Variants in IGDCC3 observed in about 807,000 individuals in gnomAD.
IGDCC3 encodes the protein putative neuronal cell adhesion molecule.
IGDCC3 carries 47 observed loss-of-function variants against 72.0 expected under a neutral mutation model. The ratio of observed to expected loss-of-function variants is 0.65; its 90% confidence interval spans 0.52 to 0.83. The LOEUF (loss-of-function observed/expected upper bound fraction) is 0.83. Among genes scored for constraint, IGDCC3 ranks in the 40% least tolerant of loss-of-function variants. IGDCC3 has a pLI of 0.00. For synonymous variants in IGDCC3, 477 were observed against 472.8 expected (o/e 1.01, Z -0.11); for missense variants, 1,038 against 1,091.3 (o/e 0.95, Z 0.69).
At chr15:65,330,914 C>A in intron 9 of IGDCC3, 136 bp downstream of exon 9, 2 of 1,153,010 alleles carry the variant, frequency 1.7e-6, no homozygotes, top group Non-Finnish European at 2.4e-6. Context: ...GCCCTTTCCT[C>A]CAAGTAGACT....
chr15:65,375,512 T>A, intron 1 of IGDCC3, 110 bp from the exon 2 acceptor site: 1 of 776,348 alleles, frequency 1.3e-6, no homozygotes. Flanking sequence ...ATGCACCCCA[T>A]CCCCATGTTT....
intron 3 of IGDCC3, 35 bp from the exon 4 acceptor site, chr15:65,335,456 C>T (rs1171213123): frequency 6.3e-7 from 1 of 1,581,636 alleles, no homozygotes; most frequent in African/African-American, 1.3e-5. Context: ...GCCACCAGCA[C>T]AGCCATTGAC....
At chr15:65,343,570 C>G (rs1295771972) in intron 2 of IGDCC3, among the ~76,000 whole-genome samples, 1 of 152,146 alleles carries the variant, frequency 6.6e-6, no homozygotes, top group Non-Finnish European at 1.5e-5. Context: ...GTTTATGAAG[C>G]CTATAAACCC....
chr15:65,334,703 C>T, intron 5 of IGDCC3, 25 bp downstream of exon 5: 5 of 1,528,602 alleles, frequency 3.3e-6, no homozygotes, highest in Non-Finnish European at 4.4e-6. Flanking sequence ...CTGGGAGGGG[C>T]AGGGGCTGTG....
At chr15:65,343,422 G>T (rs1476961298) in intron 2 of IGDCC3, among the ~76,000 whole-genome samples, 1 of 151,540 alleles carries the variant, frequency 6.6e-6, no homozygotes, top group Non-Finnish European at 1.5e-5. Flanking sequence ...GACATGTGTT[G>T]CGGGGGCGAG....
intron 2 of IGDCC3, among the ~76,000 whole-genome samples, chr15:65,353,310 G>A (rs1001618929): frequency 9.3e-5 from 14 of 150,622 alleles, no homozygotes; most frequent in African/African-American, 3.4e-4. Flanking sequence ...GAGTGCAGTG[G>A]CACAATCTTA....
rs1415051023 is a variant in IGDCC3, at chr15:65,330,327, G to A, written c.1824C>T (p.Arg608=). The change falls in exon 11 of 14, where the codon CGC becomes CGT. Residue 608 remains arginine (R), a synonymous_variant. Transcript: ENST00000327987. ...CAGATGCTCCCCTCAAAGACACAAAGCGGACTGTGGCATTGCCATCTCCAT... is the reference window on the plus strand; with the variant it reads ...CAGATGCTCCCCTCAAAGACACAAAACGGACTGTGGCATTGCCATCTCCAT... ...NQHGDGNATV[R]FVSLRGASER... is the part of the protein sequence containing the mutation. 1 of 1,614,026 alleles carries A rather than the reference G, an allele frequency of 6.2e-7. No individual in the cohort carries two copies. The highest frequency in any genetic ancestry group is 8.5e-7 in the Non-Finnish European group (1 of 1,179,956).
At position 65,350,460 on chromosome 15, in the gene IGDCC3, C is replaced by CT. The variant is rs59350659; in HGVS notation, c.410-14505dup. On this transcript the variant is annotated intron_variant, in intron 2 of 13. Coordinates refer to ENST00000327987, the MANE Select transcript of IGDCC3 (RefSeq NM_004884.4). ...CCACCACGTCCAGCCTGAGACTTAG[C>CT]TTTTTTTTTTTTTTTTCTTGAGACA... 7.9e-3 allele frequency among the ~76,000 whole-genome samples: 1,089 copies of CT among 137,048 alleles called. 14 individuals carry two copies. The highest frequency in any genetic ancestry group is 0.024 in the African/African-American group (883 of 36,798). 89.9% of individuals were successfully genotyped at this position (137,048 alleles called of 152,430 possible). A position where few individuals can be genotyped will look rare whatever the true frequency, so the allele number is the denominator to read the frequency against.
In IGDCC3 at chr15:65,329,378, A is replaced by G. The variant is rs2090954229; in HGVS notation, c.2205+12T>C. On this transcript the variant is annotated intron_variant, in intron 13 of 13. Coordinates refer to ENST00000327987, the MANE Select transcript of IGDCC3 (RefSeq NM_004884.4). The surrounding 1 kb of genome is among the most constrained non-coding windows in gnomAD (Gnocchi z 4.1). ...CCTGAGGCGGGGGTTTGTTTAAGACATGGGCACTCACTGTGGGTCTGGGGT... is the reference window on the plus strand; with the variant it reads ...CCTGAGGCGGGGGTTTGTTTAAGACGTGGGCACTCACTGTGGGTCTGGGGT... 2.5e-6 allele frequency: 4 copies of G among 1,579,354 alleles called. No individual in the cohort carries two copies. In the African/African-American group the frequency reaches 5.5e-5, roughly 22 times the overall value.
chr15:65,355,724 T>C (rs1430001296), intron 2 of IGDCC3: 1 of 427,532 alleles, frequency 2.3e-6, no homozygotes, highest in African/African-American at 2.4e-5. Flanking sequence ...ATTACCTCGC[T>C]CGCACCACCG....
At chr15:65,344,532 T>TG (rs1567064839) in intron 2 of IGDCC3, among the ~76,000 whole-genome samples, 1 of 151,506 alleles carries the variant, frequency 6.6e-6, no homozygotes, top group Admixed American at 6.6e-5. Context: ...GGGGGAGAGG[T>TG]GGGGGGCAGT....
At chr15:65,370,570 GTATGTATATA>G (rs1299489561) in intron 2 of IGDCC3, among the ~76,000 whole-genome samples, 1,561 of 112,928 alleles carry the variant, frequency 0.014, 39 homozygotes, top group African/African-American at 0.052. Flanking sequence ...ATATATATAT[GTATGTATATA>G]TATGTATGTA....
chr15:65,330,249 G>A (rs1414559560), intron 11 of IGDCC3, 44 bp downstream of exon 11: 14 of 1,411,820 alleles, frequency 9.9e-6, no homozygotes, highest in South Asian at 1.2e-5. Context: ...TTACTTTCCC[G>A]GCTTCCCACC....
intron 6 of IGDCC3, 45 bp from the exon 7 acceptor site, chr15:65,332,151 G>C (rs776199119): frequency 1.3e-6 from 2 of 1,584,474 alleles, no homozygotes; most frequent in Non-Finnish European, 1.7e-6. Context: ...AGACACAGCT[G>C]TGAGTGACGG....
intron 2 of IGDCC3, chr15:65,355,753 C>T (rs1200795759): frequency 4.4e-6 from 2 of 450,254 alleles, no homozygotes; most frequent in Admixed American, 2.4e-5. Flanking sequence ...TGAGAGAATC[C>T]GGCATTGTGC....
intron 2 of IGDCC3, among the ~76,000 whole-genome samples, chr15:65,361,717 C>A (rs1194772612): frequency 2.2e-5 from 1 of 44,930 alleles, no homozygotes; most frequent in Non-Finnish European, 4.3e-5. Flanking sequence ...TTCACATCCA[C>A]AGACACACTC....
At position 65,328,742 on chromosome 15, in the gene IGDCC3, G is replaced by T; in HGVS notation, c.*167C>A. On this transcript the variant is annotated 3_prime_UTR_variant, in exon 14 of 14. Transcript: ENST00000327987. ...CTCCTGATGGGTGTTAGGGCCGGGG[G>T]GTCCCTGTCAAGGCTGCCTTGGGTT... is the stretch of plus-strand genomic sequence containing the variant. 1 of 756,694 alleles carries T rather than the reference G, an allele frequency of 1.3e-6. No individual in the cohort carries two copies. The highest frequency in any genetic ancestry group is 1.9e-6 in the Non-Finnish European group (1 of 519,568). The allele number at this position is 756,694 out of a possible 1,614,324, so 46.9% of individuals were successfully genotyped here. A position where few individuals can be genotyped will look rare whatever the true frequency, so the allele number is the denominator to read the frequency against.
intron 2 of IGDCC3, among the ~76,000 whole-genome samples, chr15:65,349,050 C>T (rs903550355): frequency 6.6e-6 from 1 of 152,168 alleles, no homozygotes; most frequent in African/African-American, 2.4e-5. Flanking sequence ...CTGCCACAGG[C>T]GATGCTTTTC....
At chr15:65,335,978 A>T (rs765125497) in intron 2 of IGDCC3, 22 bp from the exon 3 acceptor site, 38 of 1,613,542 alleles carry the variant, frequency 2.4e-5, no homozygotes, top group Non-Finnish European at 3.2e-5. Context: ...GAAGTGTATG[A>T]GTGCAGTGCG....
Sources: gnomAD v4.1 joint callset for allele counts (sites outside exome capture counted in the v4.1 genomes callset) on GRCh38, gnomAD v4.1.1 for gene constraint, Gnocchi (gnomAD v3.1) non-coding constraint, MANE v1.5 for transcripts, NCBI Gene and HGNC (gene_info 2026-07-23, HGNC 2026-07-21) for gene names.